DIP2B: variants seen among roughly 807,000 people sequenced by gnomAD.
DIP2B encodes the protein disco-interacting protein 2 homolog B.
Under a neutral mutation model 198.0 loss-of-function variants are expected in DIP2B, and 76 were observed. The ratio of observed to expected loss-of-function variants is 0.38; its 90% confidence interval spans 0.32 to 0.46. The LOEUF is 0.46. Ranked by LOEUF, DIP2B falls within the 20% of genes least tolerant of loss-of-function variation. The pLI, the probability that DIP2B is intolerant of heterozygous loss-of-function variation, is 0.99. For missense variants in DIP2B, 1,559 were observed against 1,978.4 expected (o/e 0.79, Z 4.02); for synonymous variants, 701 against 739.1 (o/e 0.95, Z 0.84).
chr12:50,701,548 GT>G (rs1939417772), intron 19 of DIP2B, among the ~76,000 whole-genome samples: 1 of 151,862 alleles, frequency 6.6e-6, no homozygotes, highest in South Asian at 2.1e-4. Flanking sequence ...CGCCTGGCTA[GT>G]TTTTTTGTAT....
chr12:50,624,002 C>T (rs889845427), intron 1 of DIP2B, among the ~76,000 whole-genome samples: 4 of 152,106 alleles, frequency 2.6e-5, no homozygotes, highest in South Asian at 2.1e-4. Flanking sequence ...AGATTGCTGC[C>T]AGTTTGTTTT....
chr12:50,742,414 A>G, intron 37 of DIP2B, among the ~76,000 whole-genome samples: 1 of 86,528 alleles, frequency 1.2e-5, no homozygotes, highest in South Asian at 2.8e-4. Context: ...AAAAAAAAAA[A>G]AAAAAAAACC....
At chr12:50,642,810 G>A (rs191002415) in intron 3 of DIP2B, among the ~76,000 whole-genome samples, 1 of 152,238 alleles carries the variant, frequency 6.6e-6, no homozygotes, top group Non-Finnish European at 1.5e-5. Context: ...ACAACACATC[G>A]TGGTTACTAG....
chr12:50,677,784 C>T (rs1327580643), intron 7 of DIP2B, among the ~76,000 whole-genome samples: 1 of 152,018 alleles, frequency 6.6e-6, no homozygotes, highest in Non-Finnish European at 1.5e-5. Flanking sequence ...ACTAAACACA[C>T]AACCAAATTC....
intron 2 of DIP2B, among the ~76,000 whole-genome samples, chr12:50,635,773 G>A (rs909752889): frequency 2.0e-5 from 3 of 152,068 alleles, no homozygotes; most frequent in Admixed American, 6.6e-5. Context: ...ATAATGAGAG[G>A]CACACATTTT....
chr12:50,556,646 G>A (rs1056536166), intron 1 of DIP2B, among the ~76,000 whole-genome samples: 1 of 150,526 alleles, frequency 6.6e-6, no homozygotes, highest in African/African-American at 2.4e-5. Context: ...GGGTTCAAGC[G>A]ATTCTCCTGC....
chr12:50,733,983 TAA>T (rs1238638101), intron 32 of DIP2B, 150 bp from the exon 33 acceptor site: 5 of 750,606 alleles, frequency 6.7e-6, no homozygotes, highest in Non-Finnish European at 1.2e-5. Flanking sequence ...GTCCCCGTGA[TAA>T]GAGTGAGAGC....
intron 1 of DIP2B, among the ~76,000 whole-genome samples, chr12:50,515,464 C>G (rs764047225): frequency 2.0e-5 from 3 of 151,926 alleles, no homozygotes; most frequent in Admixed American, 6.6e-5. Context: ...CTCCTGACCT[C>G]GTGATCCGCC....
At chr12:50,578,841 T>TG (rs1163186910) in intron 1 of DIP2B, among the ~76,000 whole-genome samples, 1 of 152,200 alleles carries the variant, frequency 6.6e-6, no homozygotes, top group Admixed American at 6.5e-5. Flanking sequence ...AAAGGCTATT[T>TG]GAAAATTTTA....
intron 1 of DIP2B, among the ~76,000 whole-genome samples, chr12:50,510,546 TTCTC>T (rs1414814465): frequency 6.6e-6 from 1 of 152,206 alleles, no homozygotes; most frequent in Non-Finnish European, 1.5e-5. Context: ...TTCTCCATGG[TTCTC>T]TCTCATGTGA....
At position 50,747,997 on chromosome 12, in the gene DIP2B, T is replaced by C. The variant is rs1940363202; in HGVS notation, c.*3158T>C. 1 of 152,690 alleles carries C rather than the reference T, an allele frequency of 6.5e-6. No individual in the cohort carries two copies. The highest frequency in any genetic ancestry group is 2.4e-5 in the African/African-American group (1 of 41,468). The allele number at this position is 152,690 out of a possible 1,614,324, so 9.5% of individuals were successfully genotyped here. A position where few individuals can be genotyped will look rare whatever the true frequency, so the allele number is the denominator to read the frequency against. ...AAGTCCTTTCCTCATGAAGTTGTGT[T>C]GCCTCAGGCTGTTTAGGGACCATTG... is the stretch of plus-strand genomic sequence containing the variant. On this transcript the variant is annotated 3_prime_UTR_variant, in exon 38 of 38. Transcript: ENST00000301180.
At chr12:50,714,704 C>T (rs1432079733) in intron 23 of DIP2B, 108 bp downstream of exon 23, 4 of 1,362,968 alleles carry the variant, frequency 2.9e-6, no homozygotes, top group Non-Finnish European at 4.0e-6. Flanking sequence ...CTTTGGGAGG[C>T]CAAGGTGGGA....
At chr12:50,563,467 A>C (rs1193388308) in intron 1 of DIP2B, among the ~76,000 whole-genome samples, 3 of 143,802 alleles carry the variant, frequency 2.1e-5, no homozygotes, top group Non-Finnish European at 4.5e-5. Context: ...GATTACAGGT[A>C]TGAGCCACTG....
chr12:50,735,529 G>A (rs1047023407), intron 34 of DIP2B, among the ~76,000 whole-genome samples: 16 of 151,476 alleles, frequency 1.1e-4, no homozygotes, highest in African/African-American at 3.2e-4. Flanking sequence ...GTGCAGTGGC[G>A]CGATCTCGGC....
At chr12:50,578,760 G>T (rs1029994865) in intron 1 of DIP2B, among the ~76,000 whole-genome samples, 1 of 151,934 alleles carries the variant, frequency 6.6e-6, no homozygotes, top group Non-Finnish European at 1.5e-5. Flanking sequence ...TGCCCGCCTC[G>T]GCCTCCCAAA....
At chr12:50,593,098 C>T (rs1027214778) in intron 1 of DIP2B, among the ~76,000 whole-genome samples, 1 of 152,192 alleles carries the variant, frequency 6.6e-6, no homozygotes, top group Non-Finnish European at 1.5e-5. Context: ...CAGCCTTTCT[C>T]ATTGTTTTAT....
At chr12:50,517,714 T>C (rs1958078072) in intron 1 of DIP2B, among the ~76,000 whole-genome samples, 1 of 152,230 alleles carries the variant, frequency 6.6e-6, no homozygotes, top group Admixed American at 6.5e-5. Flanking sequence ...TGTTGTCTGC[T>C]CTCTAGCCAT....
intron 5 of DIP2B, among the ~76,000 whole-genome samples, chr12:50,673,900 G>A (rs545271576): frequency 2.6e-5 from 4 of 152,164 alleles, no homozygotes; most frequent in Non-Finnish European, 5.9e-5. Flanking sequence ...ATGGATTATT[G>A]TATGATCCAA....
At chr12:50,572,728 A>C (rs934949400) in intron 1 of DIP2B, among the ~76,000 whole-genome samples, 1 of 152,222 alleles carries the variant, frequency 6.6e-6, no homozygotes, top group Non-Finnish European at 1.5e-5. Context: ...TAGTTTCCTT[A>C]AAATGTTGGT....
Sources: allele counts gnomAD v4.1 joint callset (sites outside exome capture counted in the v4.1 genomes callset), GRCh38; gene constraint gnomAD v4.1.1; transcripts MANE v1.5; gene names NCBI Gene and HGNC (gene_info 2026-07-23, HGNC 2026-07-21).